The following LARGE1 variants were observed in gnomAD, a reference collection of about 807,000 sequenced individuals.
LARGE1 encodes the protein xylosyl- and glucuronyltransferase LARGE1.
A neutral mutation model predicts 87.6 loss-of-function variants in LARGE1; 43 were observed. The observed-to-expected ratio is 0.49, with a 90% CI of 0.38 to 0.63. The LOEUF (loss-of-function observed/expected upper bound fraction) is 0.63, where lower values mean the gene tolerates loss of function less well. Ranked by LOEUF, LARGE1 falls within the 30% of genes least tolerant of loss-of-function variation. The pLI, the probability that LARGE1 is intolerant of heterozygous loss-of-function variation, is 0.00. For synonymous variants in LARGE1, 434 were observed against 394.6 expected, an observed-to-expected ratio of 1.10 and a Z score of -1.18; for missense variants, 802 against 1,000.2, an observed-to-expected ratio of 0.80 and a Z score of 2.67.
the LARGE1 span, among the ~76,000 whole-genome samples, chr22:33,079,645 A>G: frequency 6.6e-6 from 1 of 152,186 alleles, no homozygotes; most frequent in South Asian, 2.1e-4. Context: ...TTTGTTTTCA[A>G]GTGTCTCTAA....
chr22:33,099,650 T>C, the LARGE1 span, among the ~76,000 whole-genome samples: 2 of 152,254 alleles, frequency 1.3e-5, no homozygotes, highest in African/African-American at 4.8e-5. Context: ...GGTTATATTA[T>C]GTTTCCTAAT....
the LARGE1 span, among the ~76,000 whole-genome samples, chr22:33,120,378 CT>C: frequency 1.1e-5 from 1 of 91,998 alleles, no homozygotes; most frequent in Admixed American, 9.5e-5. Context: ...TTCTTTCTTT[CT>C]TTCTTTCTTT....
intron 2 of LARGE1, among the ~76,000 whole-genome samples, chr22:33,756,576 A>G (rs746794680): frequency 6.6e-5 from 10 of 152,132 alleles, no homozygotes; most frequent in Non-Finnish European, 1.2e-4. Flanking sequence ...GAGAAGAAAG[A>G]ACAGGTGGGA....
At chr22:33,714,425 G>A (rs114993258) in intron 2 of LARGE1, among the ~76,000 whole-genome samples, 2,548 of 152,154 alleles carry the variant, frequency 0.017, 62 homozygotes, top group African/African-American at 0.059. Flanking sequence ...TGTAAACTGG[G>A]GGACATAATT....
intron 2 of LARGE1, among the ~76,000 whole-genome samples, chr22:33,674,853 C>T (rs1307201108): frequency 1.3e-5 from 2 of 152,126 alleles, no homozygotes; most frequent in African/African-American, 4.8e-5. Context: ...TATCTGTATG[C>T]TTGCATGCTT....
chr22:33,145,766 T>C, the LARGE1 span, among the ~76,000 whole-genome samples: 1 of 152,178 alleles, frequency 6.6e-6, no homozygotes, highest in East Asian at 1.9e-4. Context: ...CTAGTATCAT[T>C]CAATGGTGAA....
chr22:33,300,895 C>T (rs886273812), intron 12 of LARGE1, among the ~76,000 whole-genome samples: 1 of 152,054 alleles, frequency 6.6e-6, no homozygotes, highest in East Asian at 1.9e-4. Context: ...AGGCTGGTCT[C>T]GAATTCCTGG....
At chr22:33,878,202 A>C (rs907984762) in intron 1 of LARGE1, among the ~76,000 whole-genome samples, 11 of 117,074 alleles carry the variant, frequency 9.4e-5, no homozygotes, top group Admixed American at 3.5e-4. Flanking sequence ...CAATGGTGTG[A>C]TCTCGGCTCA....
chr22:33,488,252 T>C (rs997297078), intron 6 of LARGE1, among the ~76,000 whole-genome samples: 2 of 152,238 alleles, frequency 1.3e-5, no homozygotes, highest in African/African-American at 2.4e-5. Flanking sequence ...CAGGCACATC[T>C]CCTGTGCTCA....
chr22:33,604,621 A>C (rs150438640), intron 4 of LARGE1, 63 bp from the exon 5 acceptor site: 1 of 1,602,740 alleles, frequency 6.2e-7, no homozygotes. Flanking sequence ...TTACAGCTGC[A>C]AAAACACACT....
chr22:33,100,377 A>T, the LARGE1 span, among the ~76,000 whole-genome samples: 1 of 151,438 alleles, frequency 6.6e-6, no homozygotes, highest in African/African-American at 2.4e-5. Context: ...AAAAAGTAAA[A>T]AATTAAATAA....
intron 4 of LARGE1, among the ~76,000 whole-genome samples, chr22:33,623,576 G>A (rs368389280): frequency 1.4e-4 from 21 of 152,186 alleles, no homozygotes; most frequent in South Asian, 2.1e-4. Context: ...CCAGCTTGCT[G>A]CAGGCACGTA....
intron 2 of LARGE1, among the ~76,000 whole-genome samples, chr22:33,672,106 T>C (rs1043997710): frequency 1.3e-5 from 2 of 152,104 alleles, no homozygotes; most frequent in African/African-American, 2.4e-5. Context: ...AAAAAAATCA[T>C]CATGTACACC....
At chr22:33,559,691 G>A (rs866037810) in intron 6 of LARGE1, among the ~76,000 whole-genome samples, 30 of 152,032 alleles carry the variant, frequency 2.0e-4, no homozygotes, top group African/African-American at 5.1e-4. Flanking sequence ...ATCTGCCCAC[G>A]CTGACAGAGT....
chr22:33,671,608 T>C (rs1448112376), intron 2 of LARGE1, among the ~76,000 whole-genome samples: 1 of 152,176 alleles, frequency 6.6e-6, no homozygotes, highest in Non-Finnish European at 1.5e-5. Flanking sequence ...ACACAACATT[T>C]GGCTATGAAG....
intron 2 of LARGE1, among the ~76,000 whole-genome samples, chr22:33,710,984 G>A (rs562639642): frequency 5.3e-5 from 8 of 152,238 alleles, no homozygotes; most frequent in African/African-American, 1.4e-4. Flanking sequence ...AAATCTTTAC[G>A]TAAGAAATCA....
At chr22:33,547,661 G>A (rs1224372130) in intron 6 of LARGE1, among the ~76,000 whole-genome samples, 1 of 151,824 alleles carries the variant, frequency 6.6e-6, no homozygotes, top group Non-Finnish European at 1.5e-5. Context: ...GGGCATGGTG[G>A]CATGTACCTG....
intron 10 of LARGE1, chr22:33,321,124 G>T (rs906754948): frequency 3.3e-5 from 5 of 152,346 alleles, no homozygotes; most frequent in Admixed American, 3.3e-4. Context: ...ACCCCAGAAG[G>T]TTATAGAAGG....
At chr22:33,263,038 A>G (rs1177494537) in intron 11 of LARGE1, among the ~76,000 whole-genome samples, 1 of 151,920 alleles carries the variant, frequency 6.6e-6, no homozygotes, top group African/African-American at 2.4e-5. Flanking sequence ...GATTACAGGC[A>G]CGCACCACCA....
Sources: gnomAD v4.1 joint callset for allele counts (sites outside exome capture counted in the v4.1 genomes callset) on GRCh38, gnomAD v4.1.1 for gene constraint, MANE v1.5 for transcripts, NCBI Gene and HGNC (gene_info 2026-07-23, HGNC 2026-07-21) for gene names.